RAB2A: variants seen among roughly 807,000 people sequenced by gnomAD.
The protein encoded by RAB2A is ras-related protein Rab-2A.
RAB2A carries 7 observed loss-of-function variants against 32.5 expected under a neutral mutation model. The ratio of observed to expected loss-of-function variants is 0.22; its 90% confidence interval spans 0.12 to 0.40. The LOEUF (loss-of-function observed/expected upper bound fraction) is 0.40. Ranked by LOEUF, RAB2A falls within the 10% of genes least tolerant of loss-of-function variation. The pLI, the probability that RAB2A is intolerant of heterozygous loss-of-function variation, is 1.00. For synonymous variants in RAB2A, 79 were observed against 85.2 expected (o/e 0.93, Z 0.40); for missense variants, 108 against 260.7 (o/e 0.41, Z 4.03).
At chr8:60,586,070 G>A (rs1803841157) in intron 5 of RAB2A, among the ~76,000 whole-genome samples, 1 of 152,114 alleles carries the variant, frequency 6.6e-6, no homozygotes, top group African/African-American at 2.4e-5. Flanking sequence ...GGAGGCCCAG[G>A]TGGAGGATTG....
intron 3 of RAB2A, among the ~76,000 whole-genome samples, chr8:60,580,606 T>C (rs1198602507): frequency 2.0e-5 from 3 of 152,240 alleles, no homozygotes; most frequent in Non-Finnish European, 4.4e-5. Flanking sequence ...GTCATAGTCT[T>C]CAGTGGGAAT....
chr8:60,583,904 C>T (rs1455129397), intron 3 of RAB2A: 11 of 233,264 alleles, frequency 4.7e-5, no homozygotes, highest in Non-Finnish European at 7.0e-5. Flanking sequence ...AATAATGATT[C>T]GTGTATTGTG....
intron 3 of RAB2A, among the ~76,000 whole-genome samples, chr8:60,572,784 G>A (rs1001001004): frequency 2.0e-5 from 3 of 152,068 alleles, no homozygotes; most frequent in African/African-American, 7.2e-5. Flanking sequence ...CCCCCAAAGA[G>A]CTTTAGCTTA....
At chr8:60,584,411 T>G in intron 4 of RAB2A, 121 bp downstream of exon 4, 1 of 799,288 alleles carries the variant, frequency 1.3e-6, no homozygotes, top group Non-Finnish European at 2.0e-6. Context: ...CCTTTAAAAC[T>G]GCATCTTGAG....
At chr8:60,578,559 G>GT (rs141190401) in intron 3 of RAB2A, among the ~76,000 whole-genome samples, 11,656 of 152,224 alleles carry the variant, frequency 0.077, 1,349 homozygotes, top group African/African-American at 0.25. Flanking sequence ...AAATGGACTT[G>GT]TATGAGCAAG....
chr8:60,562,641 A>G (rs1343678866), intron 2 of RAB2A, among the ~76,000 whole-genome samples: 1 of 152,220 alleles, frequency 6.6e-6, no homozygotes, highest in African/African-American at 2.4e-5. Context: ...TGAGGTAATG[A>G]TACTTAAAAA....
chr8:60,584,199 T>TC lies in RAB2A; in HGVS notation c.187-8dup. 6.3e-7 allele frequency: 1 copy of TC among 1,585,250 alleles called. No homozygotes were observed. On this transcript the variant is annotated splice_polypyrimidine_tract_variant and intron_variant, in intron 3 of 7. Coordinates refer to ENST00000262646, the MANE Select transcript of RAB2A (RefSeq NM_002865.3). ...AAAGGAAACTCTCCAACCTTTTTTT[T>TC]CGTTACAGGCAGGGCAAGAATCCTT...
At chr8:60,541,357 G>C (rs7000166) in intron 1 of RAB2A, among the ~76,000 whole-genome samples, 1 of 151,890 alleles carries the variant, frequency 6.6e-6, no homozygotes, top group Non-Finnish European at 1.5e-5. Context: ...AAAAGGACAT[G>C]AGGTAAAAAC....
intron 6 of RAB2A, among the ~76,000 whole-genome samples, chr8:60,613,863 C>T (rs1804403010): frequency 2.0e-5 from 3 of 152,126 alleles, no homozygotes. Flanking sequence ...ATAGCATTGA[C>T]TTTTAGCAGT....
chr8:60,521,075 C>CA (rs1807294932), intron 1 of RAB2A, among the ~76,000 whole-genome samples: 1 of 152,236 alleles, frequency 6.6e-6, no homozygotes, highest in Non-Finnish European at 1.5e-5. Context: ...TTCAGCCTCC[C>CA]AAAGTGCCAG....
intron 1 of RAB2A, 51 bp from the exon 2 acceptor site, chr8:60,558,801 A>C: frequency 6.8e-7 from 1 of 1,460,536 alleles, no homozygotes; most frequent in South Asian, 1.1e-5. Context: ...TTTGTAAAGC[A>C]TCTTAATTTC....
At chr8:60,545,422 A>T (rs1807712612) in intron 1 of RAB2A, among the ~76,000 whole-genome samples, 1 of 151,910 alleles carries the variant, frequency 6.6e-6, no homozygotes, top group South Asian at 2.1e-4. Context: ...TCTTCCAAGT[A>T]GCTGAGACTA....
intron 2 of RAB2A, among the ~76,000 whole-genome samples, chr8:60,570,757 G>T (rs1808186668): frequency 6.6e-6 from 1 of 152,154 alleles, no homozygotes; most frequent in Non-Finnish European, 1.5e-5. Flanking sequence ...AGGCCTGTGG[G>T]ATGGAAGAAG....
At chr8:60,530,903 G>T (rs1484178425) in intron 1 of RAB2A, among the ~76,000 whole-genome samples, 1 of 152,092 alleles carries the variant, frequency 6.6e-6, no homozygotes. Context: ...TTCCTTGCAG[G>T]CCAGTAGAGA....
At chr8:60,547,316 A>T (rs1807747594) in intron 1 of RAB2A, among the ~76,000 whole-genome samples, 1 of 152,178 alleles carries the variant, frequency 6.6e-6, no homozygotes, top group Non-Finnish European at 1.5e-5. Context: ...AGACATGGCA[A>T]CCATCCGATT....
Position 60,522,723 on chromosome 8 carries a change from G to T in RAB2A, c.46+5470G>T, listed in dbSNP as rs148003812. Reference sequence around the variant, plus strand: ...GGAGGTAAGGAGCAAAGTTGTAGAGGATTTGGGGAAGGATTGGGGAAGGAA... The same window carrying T: ...GGAGGTAAGGAGCAAAGTTGTAGAGTATTTGGGGAAGGATTGGGGAAGGAA... On this transcript the variant is annotated intron_variant, in intron 1 of 7. Coordinates refer to ENST00000262646, the MANE Select transcript of RAB2A (RefSeq NM_002865.3). 1.4e-3 allele frequency among the ~76,000 whole-genome samples: 216 copies of T among 152,208 alleles called. 4 individuals carry two copies. The East Asian group carries it at 0.035, about 25-fold the overall frequency.
intron 1 of RAB2A, among the ~76,000 whole-genome samples, chr8:60,547,484 C>T (rs1280081284): frequency 2.0e-5 from 3 of 151,562 alleles, no homozygotes; most frequent in African/African-American, 7.3e-5. Flanking sequence ...CGGGCAGAGG[C>T]GCCCCTCACC....
At chr8:60,543,106 G>A (rs1337407274) in intron 1 of RAB2A, among the ~76,000 whole-genome samples, 1 of 152,146 alleles carries the variant, frequency 6.6e-6, no homozygotes, top group African/African-American at 2.4e-5. Flanking sequence ...AACAAGACTG[G>A]GAAACTAACA....
At chr8:60,549,326 C>T (rs1454970598) in intron 1 of RAB2A, among the ~76,000 whole-genome samples, 2 of 152,176 alleles carry the variant, frequency 1.3e-5, no homozygotes, top group East Asian at 3.9e-4. Flanking sequence ...CGAGATCACG[C>T]CACTGCACTC....
Sources: allele counts gnomAD v4.1 joint callset (sites outside exome capture counted in the v4.1 genomes callset), GRCh38; gene constraint gnomAD v4.1.1; transcripts MANE v1.5; gene names NCBI Gene and HGNC (gene_info 2026-07-23, HGNC 2026-07-21).